Variants in LHFPL2 observed in about 807,000 individuals in gnomAD.
LHFPL2 encodes the protein LHFPL tetraspan subfamily member 2.
A neutral mutation model predicts 17.5 loss-of-function variants in LHFPL2; 7 were observed. The observed-to-expected ratio is 0.40, with a 90% CI of 0.23 to 0.75. LHFPL2 has a LOEUF of 0.75. LHFPL2 is among the 30% of genes least tolerant of loss of function. LHFPL2 has a pLI of 0.37. For synonymous variants in LHFPL2, 134 were observed against 116.2 expected (o/e 1.15, Z -0.99); for missense variants, 241 against 294.8 (o/e 0.82, Z 1.34).
intron 1 of LHFPL2, among the ~76,000 whole-genome samples, chr5:78,637,516 A>G (rs1228970529): frequency 1.3e-5 from 2 of 152,182 alleles, no homozygotes; most frequent in African/African-American, 2.4e-5. Flanking sequence ...TAAAGGCCCA[A>G]ATGGAAGTGC....
At chr5:78,570,810 A>G (rs540767693) in intron 2 of LHFPL2, among the ~76,000 whole-genome samples, 24 of 152,214 alleles carry the variant, frequency 1.6e-4, no homozygotes, top group Admixed American at 6.5e-4. Flanking sequence ...AGGTGAGTGC[A>G]GCACACTTGG....
Position 78,645,582 on chromosome 5 carries a change from ACACACACAC to A in LHFPL2, c.-350+2908_-350+2916del, listed in dbSNP as rs1187003862. Reference sequence around the variant, plus strand: ...CACACACACACACACACACACACACACACACACACATTTTTTTTGAGATAGCGTCTTGCT... The same window carrying A: ...CACACACACACACACACACACACACAATTTTTTTTGAGATAGCGTCTTGCT... On this transcript the variant is annotated intron_variant, in intron 1 of 4. Transcript: ENST00000380345. Among the ~76,000 whole-genome samples, 6 of 143,392 alleles carry A rather than the reference ACACACACAC, an allele frequency of 4.2e-5. No homozygotes were observed. The East Asian group carries it at 5.9e-4, about 14-fold the overall frequency. The allele number at this position is 143,392 out of a possible 152,430, so 94.1% of individuals were successfully genotyped here.
chr5:78,570,642 A>ATATATATT (rs1057237475), intron 2 of LHFPL2, among the ~76,000 whole-genome samples: 1 of 147,272 alleles, frequency 6.8e-6, no homozygotes, highest in African/African-American at 2.5e-5. Flanking sequence ...TAGTATATAT[A>ATATATATT]TATATACGTA....
At chr5:78,619,547 A>T (rs59770631) in intron 2 of LHFPL2, among the ~76,000 whole-genome samples, 1,957 of 147,648 alleles carry the variant, frequency 0.013, 43 homozygotes, top group African/African-American at 0.044. Flanking sequence ...CATGTGCACA[A>T]TGTGCAGGTT....
intron 3 of LHFPL2, among the ~76,000 whole-genome samples, chr5:78,541,129 ATT>A (rs1399056130): frequency 1.3e-5 from 2 of 152,156 alleles, no homozygotes; most frequent in Non-Finnish European, 2.9e-5. Context: ...ATGTATCACC[ATT>A]GAGTCAGCAG....
chr5:78,527,933 G>T (rs1184345911), intron 3 of LHFPL2, among the ~76,000 whole-genome samples: 2 of 152,120 alleles, frequency 1.3e-5, no homozygotes, highest in Non-Finnish European at 2.9e-5. Context: ...ACATCCAATG[G>T]TCATTGATCT....
At chr5:78,524,493 G>GC (rs933090363) in intron 3 of LHFPL2, among the ~76,000 whole-genome samples, 5 of 152,136 alleles carry the variant, frequency 3.3e-5, no homozygotes, top group Non-Finnish European at 5.9e-5. Context: ...TGTAAACCTA[G>GC]CACTTTGGGA....
chr5:78,631,116 C>T (rs1481166896), intron 2 of LHFPL2, among the ~76,000 whole-genome samples: 1 of 152,210 alleles, frequency 6.6e-6, no homozygotes, highest in African/African-American at 2.4e-5. Flanking sequence ...TGATTTAAAC[C>T]TAAACTGTGT....
intron 2 of LHFPL2, among the ~76,000 whole-genome samples, chr5:78,627,199 G>A (rs774321679): frequency 6.6e-6 from 1 of 152,168 alleles, no homozygotes; most frequent in African/African-American, 2.4e-5. Context: ...GAATGAAGAC[G>A]GACATGGGAA....
At chr5:78,598,279 T>C (rs924982780) in intron 2 of LHFPL2, among the ~76,000 whole-genome samples, 1 of 152,226 alleles carries the variant, frequency 6.6e-6, no homozygotes, top group African/African-American at 2.4e-5. Flanking sequence ...GAAACTGGTT[T>C]TTGCAATTAC....
chr5:78,521,492 T>C lies in LHFPL2; in HGVS notation c.-185-11094A>G, dbSNP rs1700219995. On this transcript the variant is annotated intron_variant, in intron 3 of 4. Transcript: ENST00000380345. ...TAATTTAAAGTGATTTGCAATTTTA[T>C]TTGGCATTATCAACAACACCATGGA... is the stretch of plus-strand genomic sequence containing the variant. Among the ~76,000 whole-genome samples, 3 of 152,270 alleles carry C rather than the reference T, an allele frequency of 2.0e-5. 1 individual carries two copies. The highest frequency in any genetic ancestry group is 4.1e-4 in the South Asian group (2 of 4,836).
intron 2 of LHFPL2, among the ~76,000 whole-genome samples, chr5:78,619,443 T>C (rs192312188): frequency 2.6e-5 from 4 of 151,914 alleles, no homozygotes; most frequent in African/African-American, 9.6e-5. Flanking sequence ...ACTCATCCTT[T>C]AGAGTTTACA....
At chr5:78,540,903 C>G (rs1756092931) in intron 3 of LHFPL2, among the ~76,000 whole-genome samples, 1 of 152,182 alleles carries the variant, frequency 6.6e-6, no homozygotes, top group Non-Finnish European at 1.5e-5. Context: ...TGGCCTTTAA[C>G]AACCAGGAAG....
intron 2 of LHFPL2, among the ~76,000 whole-genome samples, chr5:78,619,485 T>TTA (rs60911149): frequency 0.047 from 7,035 of 148,836 alleles, 502 homozygotes; most frequent in African/African-American, 0.15. Flanking sequence ...GAGTTTTTAT[T>TTA]TATATATATA....
chr5:78,516,898 G>A (rs1196998294), intron 3 of LHFPL2, among the ~76,000 whole-genome samples: 5 of 152,082 alleles, frequency 3.3e-5, no homozygotes, highest in South Asian at 2.1e-4. Flanking sequence ...TCTATTCTGC[G>A]AATGGCAAAA....
intron 3 of LHFPL2, among the ~76,000 whole-genome samples, chr5:78,529,837 C>T (rs529115999): frequency 6.6e-6 from 1 of 152,172 alleles, no homozygotes; most frequent in Admixed American, 6.5e-5. Flanking sequence ...GTGAATCATA[C>T]CCACAAAATG....
chr5:78,531,394 G>A (rs1755780022), intron 3 of LHFPL2, among the ~76,000 whole-genome samples: 1 of 147,924 alleles, frequency 6.8e-6, no homozygotes, highest in South Asian at 2.1e-4. Flanking sequence ...ACTCCAGGCT[G>A]GGCAACAAGA....
In LHFPL2 at chr5:78,642,977, C is replaced by T. The variant is rs77563101; in HGVS notation, c.-350+5522G>A. On this transcript the variant is annotated intron_variant, in intron 1 of 4. Transcript: ENST00000380345. ...CCTCCCAGCTCACCTTGTTCCCCCC[C>T]CTCCTTGTTACCTAGCCCACCTTAT... Among the ~76,000 whole-genome samples the T allele has an allele frequency of 1.6e-3, 248 of 152,240 alleles. 7 individuals carry two copies. In the South Asian group the frequency reaches 0.048, roughly 29 times the overall value.
At chr5:78,555,097 CA>C (rs967459116) in intron 3 of LHFPL2, among the ~76,000 whole-genome samples, 3 of 151,824 alleles carry the variant, frequency 2.0e-5, no homozygotes, top group African/African-American at 4.8e-5. Flanking sequence ...CCAATGTAAC[CA>C]AAAAAATGCA....
Sources: allele counts gnomAD v4.1 joint callset (sites outside exome capture counted in the v4.1 genomes callset), GRCh38; gene constraint gnomAD v4.1.1; transcripts MANE v1.5; gene names NCBI Gene and HGNC (gene_info 2026-07-23, HGNC 2026-07-21).